Variants in VDAC2 observed in about 807,000 individuals in gnomAD.
The protein encoded by VDAC2 is voltage dependent anion channel 2.
VDAC2 carries 6 observed loss-of-function variants against 36.6 expected under a neutral mutation model. The ratio of observed to expected loss-of-function variants is 0.16; its 90% CI spans 0.09 to 0.32. The LOEUF is 0.32. VDAC2 is among the 10% of genes least tolerant of loss of function. The probability of loss-of-function intolerance (pLI) is 1.00; values close to 1 mark genes in which losing one functional copy is unlikely to be tolerated. For missense variants in VDAC2, 247 were observed against 346.0 expected, an observed-to-expected ratio of 0.71 and a Z score of 2.27; for synonymous variants, 109 against 123.8, an observed-to-expected ratio of 0.88 and a Z score of 0.79.
In VDAC2 at chr10:75,211,182, C is replaced by T. The variant is rs756792390; in HGVS notation, c.24C>T (p.Cys8=). MATHGQT[C]ARPMCIPPSY... The stretch of plus-strand genomic sequence containing the variant: ...CCATGGCGACCCACGGACAGACTTG[C>T]GCGCGTCGTAAGTAAAGCTGGGATC... Residue 8 remains cysteine, a synonymous_variant, in exon 2 of 10, where the codon TGC becomes TGT. Coordinates refer to ENST00000332211, the MANE Select transcript of VDAC2 (RefSeq NM_001391963.1). 3 of 1,613,132 alleles carry T rather than the reference C, an allele frequency of 1.9e-6. No individual in the cohort carries two copies. The Admixed American group carries it at 5.0e-5, about 27-fold the overall frequency.
intron 2 of VDAC2, chr10:75,211,437 C>G: frequency 2.7e-6 from 4 of 1,478,032 alleles, no homozygotes; most frequent in Non-Finnish European, 3.6e-6. Flanking sequence ...ATGTCTTTGA[C>G]GTATAGAAGT....
intron 8 of VDAC2, among the ~76,000 whole-genome samples, chr10:75,227,576 A>ATTTTTTTTTTTTTT (rs1841989654): frequency 1.1e-5 from 1 of 90,770 alleles, no homozygotes; most frequent in African/African-American, 5.4e-5. Context: ...AAATAATAGG[A>ATTTTTTTTTTTTTT]ATTTTTTTTT....
At chr10:75,230,311 T>C (rs1050411864) in intron 9 of VDAC2, among the ~76,000 whole-genome samples, 13 of 152,242 alleles carry the variant, frequency 8.5e-5, no homozygotes, top group Admixed American at 8.5e-4. Context: ...TTACCTTGCA[T>C]TGACCAATTA....
At chr10:75,222,705 T>C (rs1841850119) in intron 8 of VDAC2, among the ~76,000 whole-genome samples, 1 of 152,130 alleles carries the variant, frequency 6.6e-6, no homozygotes, top group Non-Finnish European at 1.5e-5. Flanking sequence ...GTTCTTACTG[T>C]GTCAGAAATA....
chr10:75,229,406 C>T (rs1306259707), intron 8 of VDAC2: 2 of 357,270 alleles, frequency 5.6e-6, no homozygotes, highest in East Asian at 5.1e-5. Context: ...AGTTTGGGGT[C>T]TTTGGATACA....
chr10:75,221,094 C>A (rs1480895775), intron 7 of VDAC2, 124 bp downstream of exon 7: 2 of 1,063,482 alleles, frequency 1.9e-6, no homozygotes, highest in Non-Finnish European at 2.7e-6. Context: ...CAAAATCATT[C>A]TTGGTCATTT....
At chr10:75,212,432 A>G in intron 3 of VDAC2, 134 bp downstream of exon 3, 1 of 826,088 alleles carries the variant, frequency 1.2e-6, no homozygotes, top group Non-Finnish European at 1.9e-6. Context: ...TATTTTTTTG[A>G]GACAGGGTCT....
chr10:75,221,627 TTTTG>T (rs747144680), intron 7 of VDAC2, among the ~76,000 whole-genome samples: 17 of 152,122 alleles, frequency 1.1e-4, no homozygotes, highest in Non-Finnish European at 2.1e-4. Flanking sequence ...ATTGTTGTTT[TTTTG>T]TTTGTTTGTT....
intron 8 of VDAC2, chr10:75,229,161 AT>A (rs34928002): frequency 0.095 from 13,719 of 145,130 alleles, 741 homozygotes; most frequent in South Asian, 0.31. Context: ...TCGTTTGGAG[AT>A]TTTTTTTTTT....
Position 75,213,294 on chromosome 10 carries a change from G to T in VDAC2, c.101-727G>T, listed in dbSNP as rs187934846. Among the ~76,000 whole-genome samples, 534 of 151,078 alleles carry T rather than the reference G, an allele frequency of 3.5e-3. 2 individuals carry two copies. The highest frequency in any genetic ancestry group is 0.012 in the African/African-American group (517 of 41,456). ...GAGGTTTCACCATGTTGGCCAGGCT[G>T]GTTTTGAACTCCTGATCTCAAGTGG... On this transcript the variant is annotated intron_variant, in intron 3 of 9. Coordinates refer to ENST00000332211, the MANE Select transcript of VDAC2 (RefSeq NM_001391963.1).
chr10:75,222,093 G>A (rs1841830149), intron 7 of VDAC2, among the ~76,000 whole-genome samples, 159 bp from the exon 8 acceptor site: 1 of 152,134 alleles, frequency 6.6e-6, no homozygotes, highest in Non-Finnish European at 1.5e-5. Context: ...GGTATGGGTT[G>A]GGGAAAAAAA....
Position 75,216,745 on chromosome 10 carries a change from G to A in VDAC2, c.151-2318G>A, listed in dbSNP as rs572358114. ...TGTGGGCTGATGAATGGCCGTAGGT[G>A]GGGCCCCAAGAGTCATTAATGTCAT... On this transcript the variant is annotated intron_variant, in intron 4 of 9. Coordinates refer to ENST00000332211, the MANE Select transcript of VDAC2 (RefSeq NM_001391963.1). 1.6e-4 allele frequency among the ~76,000 whole-genome samples: 24 copies of A among 152,264 alleles called. 1 individual carries two copies. The South Asian group carries it at 4.8e-3, about 30-fold the overall frequency.
At chr10:75,211,500 T>G in intron 2 of VDAC2, 1 of 1,536,306 alleles carries the variant, frequency 6.5e-7, no homozygotes, top group Middle Eastern at 1.7e-4. Context: ...CAATCACTTT[T>G]CTAGAGGAAG....
At chr10:75,216,227 CCTT>C (rs1841600789) in intron 4 of VDAC2, among the ~76,000 whole-genome samples, 1 of 152,088 alleles carries the variant, frequency 6.6e-6, no homozygotes, top group Non-Finnish European at 1.5e-5. Context: ...ACACAAAAGG[CCTT>C]CTAAAAAAGA....
At chr10:75,222,847 G>A (rs1367168823) in intron 8 of VDAC2, among the ~76,000 whole-genome samples, 7 of 151,924 alleles carry the variant, frequency 4.6e-5, no homozygotes, top group African/African-American at 1.7e-4. Context: ...ATGTTTTTTT[G>A]TAGAGATGGG....
chr10:75,222,118 C>G (rs113228737), intron 7 of VDAC2, 134 bp from the exon 8 acceptor site: 20 of 956,482 alleles, frequency 2.1e-5, no homozygotes, highest in African/African-American at 1.5e-4. Context: ...TTAAAACTTG[C>G]AAGTTTTCAG....
chr10:75,222,378 G>A lies in VDAC2; in HGVS notation c.711G>A (p.Gln237=). Residue 237 remains glutamine (Q), a synonymous_variant, in exon 8 of 10, where the codon CAG becomes CAA. Transcript: ENST00000332211. ...GTTTTGGCATTGCAGCTAAATATCA[G>A]TTGGATCCCACTGCTTCCATTTCTG... ...CTRFGIAAKY[Q]LDPTASISAK... is the part of the protein sequence containing the mutation. 1.2e-6 allele frequency: 2 copies of A among 1,614,162 alleles called. No individual in the cohort carries two copies. The highest frequency in any genetic ancestry group is 1.7e-6 in the Non-Finnish European group (2 of 1,180,024).
intron 8 of VDAC2, among the ~76,000 whole-genome samples, chr10:75,223,586 A>G (rs1841880243): frequency 6.6e-6 from 1 of 152,176 alleles, no homozygotes; most frequent in South Asian, 2.1e-4. Flanking sequence ...TCCTTGTGAT[A>G]TTAGGAAGTA....
At chr10:75,230,678 C>G (rs1842075965) in intron 9 of VDAC2, among the ~76,000 whole-genome samples, 1 of 152,154 alleles carries the variant, frequency 6.6e-6, no homozygotes, top group Non-Finnish European at 1.5e-5. Flanking sequence ...GTTATTAAAA[C>G]ATTTCTCTGT....
Sources: allele counts gnomAD v4.1 joint callset (sites outside exome capture counted in the v4.1 genomes callset), GRCh38; gene constraint gnomAD v4.1.1; transcripts MANE v1.5; gene names NCBI Gene and HGNC (gene_info 2026-07-23, HGNC 2026-07-21).